Variants in NCOA2 observed in about 807,000 individuals in gnomAD.
The protein encoded by NCOA2 is class E basic helix-loop-helix protein 75.
A neutral mutation model predicts 145.1 loss-of-function variants in NCOA2; 21 were observed. That is an observed-to-expected ratio of 0.14 (90% CI 0.10 to 0.21). NCOA2 has a LOEUF of 0.21. Ranked by LOEUF, NCOA2 falls within the 10% of genes least tolerant of loss-of-function variation. The pLI is 1.00. For synonymous variants in NCOA2, 619 were observed against 637.5 expected, an observed-to-expected ratio of 0.97 and a Z score of 0.44; for missense variants, 1,472 against 1,837.6, an observed-to-expected ratio of 0.80 and a Z score of 3.64.
At chr8:70,364,074 C>T (rs6472522) in intron 1 of NCOA2, among the ~76,000 whole-genome samples, 36,893 of 151,228 alleles carry the variant, frequency 0.24, 5,611 homozygotes, top group East Asian at 0.57. Flanking sequence ...AAGAGAAAGA[C>T]TGCTGCGTTA....
intron 2 of NCOA2, among the ~76,000 whole-genome samples, chr8:70,282,275 T>C (rs117289911): frequency 2.6e-5 from 4 of 152,314 alleles, no homozygotes; most frequent in East Asian, 1.9e-4. Context: ...AATAAAGATA[T>C]ATGATCATGC....
the NCOA2 span, among the ~76,000 whole-genome samples, chr8:70,419,551 CTACT>C: frequency 6.6e-6 from 1 of 151,886 alleles, no homozygotes; most frequent in East Asian, 1.9e-4. Flanking sequence ...TTTCTTGTCC[CTACT>C]TATTGTTTTT....
At chr8:70,344,639 G>C (rs926374434) in intron 1 of NCOA2, among the ~76,000 whole-genome samples, 1 of 152,200 alleles carries the variant, frequency 6.6e-6, no homozygotes, top group Admixed American at 6.5e-5. Context: ...TCTGTGAAGT[G>C]GATGAAAGAT....
intron 1 of NCOA2, among the ~76,000 whole-genome samples, chr8:70,389,543 G>A (rs1812994782): frequency 6.6e-6 from 1 of 152,040 alleles, no homozygotes; most frequent in East Asian, 1.9e-4. Flanking sequence ...GCCTCCCAAA[G>A]TGCTGGGATT....
At chr8:70,417,072 C>T in the NCOA2 span, among the ~76,000 whole-genome samples, 1 of 151,834 alleles carries the variant, frequency 6.6e-6, no homozygotes, top group Non-Finnish European at 1.5e-5. Flanking sequence ...ATTACAGCCT[C>T]ATTTCTATAA....
chr8:70,386,988 G>A (rs1812729206), intron 1 of NCOA2, among the ~76,000 whole-genome samples: 1 of 152,170 alleles, frequency 6.6e-6, no homozygotes, highest in South Asian at 2.1e-4. Flanking sequence ...ATGGCTTACT[G>A]CAAGCTCAAA....
At chr8:70,380,719 A>C (rs749975233) in intron 1 of NCOA2, among the ~76,000 whole-genome samples, 7 of 152,028 alleles carry the variant, frequency 4.6e-5, no homozygotes, top group Non-Finnish European at 1.0e-4. Context: ...TACAGCCCAA[A>C]ATTTTGTTCG....
At chr8:70,246,670 T>C (rs1425870766) in intron 2 of NCOA2, among the ~76,000 whole-genome samples, 1 of 152,010 alleles carries the variant, frequency 6.6e-6, no homozygotes, top group Non-Finnish European at 1.5e-5. Flanking sequence ...TCCTGAACTT[T>C]TTCATCTTGC....
chr8:70,148,541 C>G, intron 11 of NCOA2, 58 bp from the exon 12 acceptor site: 3 of 1,527,956 alleles, frequency 2.0e-6, no homozygotes, highest in Non-Finnish European at 2.7e-6. Flanking sequence ...ACACCACAAG[C>G]CCATTTGCAA....
intron 2 of NCOA2, 148 bp downstream of exon 2, chr8:70,296,596 T>C (rs1476510588): frequency 2.0e-5 from 3 of 152,184 alleles, no homozygotes; most frequent in Admixed American, 6.5e-5. Context: ...GGAACTTTCA[T>C]AATAAAAATG....
the NCOA2 span, among the ~76,000 whole-genome samples, chr8:70,433,165 T>C: frequency 6.6e-6 from 1 of 152,216 alleles, no homozygotes; most frequent in African/African-American, 2.4e-5. Context: ...GAATAAGAAA[T>C]ACTGTGGTCT....
intron 2 of NCOA2, among the ~76,000 whole-genome samples, chr8:70,258,915 G>C (rs1208362691): frequency 6.6e-6 from 1 of 152,128 alleles, no homozygotes; most frequent in Non-Finnish European, 1.5e-5. Flanking sequence ...AATCAAAACA[G>C]TGACCTGGCA....
chr8:70,331,642 G>A (rs1187795779), intron 1 of NCOA2, among the ~76,000 whole-genome samples: 2 of 151,734 alleles, frequency 1.3e-5, no homozygotes, highest in Non-Finnish European at 2.9e-5. Context: ...AACTGCATAC[G>A]ACCAGAGAAA....
At chr8:70,150,897 C>G (rs1811668795) in intron 11 of NCOA2, among the ~76,000 whole-genome samples, 1 of 152,084 alleles carries the variant, frequency 6.6e-6, no homozygotes, top group Non-Finnish European at 1.5e-5. Flanking sequence ...ATTACTTTTT[C>G]AGAAAATGTT....
In NCOA2 at chr8:70,113,476, G is replaced by A. The variant is rs1806726813; in HGVS notation, c.*156C>T. Reference sequence around the variant, plus strand: ...GCAGCTCCTCCTGCCACAGCCGAGTGGACGCCACCCTGGGAACCAGGGCCA... The same window carrying A: ...GCAGCTCCTCCTGCCACAGCCGAGTAGACGCCACCCTGGGAACCAGGGCCA... On this transcript the variant is annotated 3_prime_UTR_variant, in exon 23 of 23. Transcript: ENST00000452400. 2.7e-6 allele frequency: 2 copies of A among 748,674 alleles called. No individual in the cohort carries two copies. Among genetic ancestry groups the A allele is most frequent in the African/African-American group, 1.8e-5 (1 of 56,500 alleles). The allele number at this position is 748,674 out of a possible 1,614,324, so 46.4% of individuals were successfully genotyped here. A position where few individuals can be genotyped will look rare whatever the true frequency, so the allele number is the denominator to read the frequency against.
intron 2 of NCOA2, among the ~76,000 whole-genome samples, chr8:70,292,387 G>A (rs1231630048): frequency 6.6e-6 from 1 of 151,764 alleles, no homozygotes; most frequent in East Asian, 2.0e-4. Flanking sequence ...TCTTGACCTC[G>A]TGATCTGCCG....
chr8:70,118,605 T>C (rs1429711106), intron 22 of NCOA2, among the ~76,000 whole-genome samples: 1 of 152,178 alleles, frequency 6.6e-6, no homozygotes, highest in Non-Finnish European at 1.5e-5. Flanking sequence ...ACTTGAATGC[T>C]AGTATTAACC....
intron 4 of NCOA2, among the ~76,000 whole-genome samples, chr8:70,197,563 T>TA (rs1817461952): frequency 6.6e-6 from 1 of 152,256 alleles, no homozygotes; most frequent in Non-Finnish European, 1.5e-5. Flanking sequence ...TCCTGATGGC[T>TA]AGCACAGTGT....
chr8:70,224,384 A>T (rs1169379155), intron 2 of NCOA2, among the ~76,000 whole-genome samples: 1 of 152,242 alleles, frequency 6.6e-6, no homozygotes, highest in African/African-American at 2.4e-5. Context: ...AATGATACAT[A>T]CTACACCTTA....
Sources: allele counts gnomAD v4.1 joint callset (sites outside exome capture counted in the v4.1 genomes callset), GRCh38; gene constraint gnomAD v4.1.1; transcripts MANE v1.5; gene names NCBI Gene and HGNC (gene_info 2026-07-23, HGNC 2026-07-21).